The following TGFB2 variants were observed in gnomAD, a reference collection of about 807,000 sequenced individuals.
TGFB2 encodes the protein transforming growth factor beta 2.
Under a neutral mutation model 42.7 loss-of-function variants are expected in TGFB2, and 13 were observed. The observed-to-expected ratio is 0.30, with a 90% CI of 0.20 to 0.48. The LOEUF (loss-of-function observed/expected upper bound fraction) is 0.48. Ranked by LOEUF, TGFB2 falls within the 20% of genes least tolerant of loss-of-function variation. The probability of loss-of-function intolerance (pLI) is 0.99; values close to 1 mark genes in which losing one functional copy is unlikely to be tolerated. For synonymous variants in TGFB2, 193 were observed against 193.6 expected (o/e 1.00, Z 0.03); for missense variants, 390 against 517.5 (o/e 0.75, Z 2.39).
At chr1:218,363,205 G>A in intron 1 of TGFB2, 1 of 761,386 alleles carries the variant, frequency 1.3e-6, no homozygotes. Context: ...CAGGTAGCAG[G>A]GACCTTATTT....
intron 1 of TGFB2, among the ~76,000 whole-genome samples, chr1:218,366,025 G>A (rs1048655021): frequency 1.3e-5 from 2 of 152,144 alleles, no homozygotes; most frequent in African/African-American, 4.8e-5. Flanking sequence ...ATACCCTGGA[G>A]GAGAAAATAG....
At position 218,425,134 on chromosome 1, in the gene TGFB2, T is replaced by C. The variant is rs115390662; in HGVS notation, c.511-8948T>C. ...TGGTATTAAGAGGGAAAGACATTAG[T>C]CCAGGCTCTTCCTGAAGGGCTTTGT... On this transcript the variant is annotated intron_variant, in intron 2 of 6. Transcript: ENST00000366930. Among the ~76,000 whole-genome samples, 365 of 152,320 alleles carry C rather than the reference T, an allele frequency of 2.4e-3. 2 individuals are homozygous for C. Among genetic ancestry groups the C allele is most frequent in the African/African-American group, 8.5e-3 (353 of 41,568 alleles).
chr1:218,372,806 A>G (rs1657611410), intron 1 of TGFB2, among the ~76,000 whole-genome samples: 1 of 152,146 alleles, frequency 6.6e-6, no homozygotes, highest in Non-Finnish European at 1.5e-5. Flanking sequence ...CATATTACTT[A>G]TATTACTCAG....
At chr1:218,430,466 A>T (rs1165087345) in intron 2 of TGFB2, among the ~76,000 whole-genome samples, 1 of 152,156 alleles carries the variant, frequency 6.6e-6, no homozygotes, top group African/African-American at 2.4e-5. Context: ...TAACAGCTAC[A>T]TATCCACAAC....
chr1:218,405,384 A>ACT lies in TGFB2; in HGVS notation c.510+69_510+70dup, dbSNP rs142802402. 1.4e-3 allele frequency: 2,120 copies of ACT among 1,520,272 alleles called. 9 individuals carry two copies. The African/African-American group carries it at 0.021, about 15-fold the overall frequency. The allele number at this position is 1,520,272 out of a possible 1,614,324, so 94.2% of individuals were successfully genotyped here. ...TTGTTGTTGTTGTTGTTTTAGACAG[A>ACT]CTCTCTCTCTCTCTCTCTGTCACAG... On this transcript the variant is annotated intron_variant, in intron 2 of 6. Transcript: ENST00000366930.
Position 218,346,917 on chromosome 1 carries a change from C to A in TGFB2, c.216C>A (p.Asn72Lys). Residue 72 changes from asparagine to lysine, a missense_variant, in exon 1 of 7, where the codon AAC becomes AAA. Physicochemically the swap from Asn to Lys is moderately conservative, Grantham distance 94. Coordinates refer to ENST00000366930, the MANE Select transcript of TGFB2 (RefSeq NM_003238.6). The surrounding 1 kb of genome is among the most constrained non-coding windows in gnomAD (Gnocchi z 4.9). ...EVPPEVISIY[N>K]STRDLLQEKA... ...CCCCGGAGGTGATTTCCATCTACAA[C>A]AGCACCAGGGACTTGCTCCAGGAGA... 6.2e-7 allele frequency: 1 copy of A among 1,614,250 alleles called. No homozygotes were observed. The highest frequency in any genetic ancestry group is 8.5e-7 in the Non-Finnish European group (1 of 1,180,050).
intron 1 of TGFB2, among the ~76,000 whole-genome samples, chr1:218,351,312 G>A (rs946478596): frequency 2.0e-5 from 3 of 152,162 alleles, no homozygotes; most frequent in Admixed American, 2.0e-4. Flanking sequence ...GCATGTGGGT[G>A]TATGAGATAG....
At chr1:218,358,452 C>G (rs983142919) in intron 1 of TGFB2, among the ~76,000 whole-genome samples, 4 of 151,738 alleles carry the variant, frequency 2.6e-5, no homozygotes, top group Non-Finnish European at 5.9e-5. Flanking sequence ...ATTCCCCTAT[C>G]TATTGGCTTA....
intron 1 of TGFB2, among the ~76,000 whole-genome samples, chr1:218,362,488 T>C (rs1657245478): frequency 6.6e-6 from 1 of 152,230 alleles, no homozygotes; most frequent in Non-Finnish European, 1.5e-5. Context: ...TACGTCTGCC[T>C]CATCTTACAG....
intron 2 of TGFB2, among the ~76,000 whole-genome samples, chr1:218,414,255 G>T (rs201023316): frequency 6.4e-5 from 9 of 139,888 alleles, no homozygotes; most frequent in African/African-American, 2.6e-4. Flanking sequence ...ACACACACAC[G>T]CACACACGGT....
Position 218,357,807 on chromosome 1 carries a change from G to C in TGFB2, c.346+10760G>C, listed in dbSNP as rs112438118. On this transcript the variant is annotated intron_variant, in intron 1 of 6. Coordinates refer to ENST00000366930, the MANE Select transcript of TGFB2 (RefSeq NM_003238.6). The stretch of plus-strand genomic sequence containing the variant: ...GGCCTTCCAAGCTATCTATATGTCG[G>C]TAATTATGAAACAGGTTATTTCTGA... Among the ~76,000 whole-genome samples the C allele has an allele frequency of 5.7e-3, 868 of 152,264 alleles. 1 individual carries two copies. Among genetic ancestry groups the C allele is most frequent in the Middle Eastern group, 0.02 (6 of 294 alleles).
rs1235645173 is a variant in TGFB2 at position 218,443,047 on chromosome 1, G to A, written c.*1685G>A. On this transcript the variant is annotated 3_prime_UTR_variant, in exon 7 of 7. Transcript: ENST00000366930. ...TTTTCAAAAGGGGAAAAAAGTCCAGGTCAGCATAAGTCATTTTGTGTATTT... is the reference window on the plus strand; with the variant it reads ...TTTTCAAAAGGGGAAAAAAGTCCAGATCAGCATAAGTCATTTTGTGTATTT... 1.3e-5 allele frequency: 2 copies of A among 152,136 alleles called. No individual in the cohort carries two copies. Among genetic ancestry groups the A allele is most frequent in the African/African-American group, 2.4e-5 (1 of 41,438 alleles). The allele number at this position is 152,136 out of a possible 1,614,324, so 9.4% of individuals were successfully genotyped here. A position where few individuals can be genotyped will look rare whatever the true frequency, so the allele number is the denominator to read the frequency against.
rs748882381 is a variant in TGFB2, at chr1:218,379,126, C to CTTTT, written c.347-26040_347-26039insTTTT. Among the ~76,000 whole-genome samples the CTTTT allele has an allele frequency of 3.2e-4, 46 of 143,778 alleles. 1 individual carries two copies. Among genetic ancestry groups the CTTTT allele is most frequent in the South Asian group, 1.5e-3 (7 of 4,586 alleles). The allele number at this position is 143,778 out of a possible 152,430, so 94.3% of individuals were successfully genotyped here. A position where few individuals can be genotyped will look rare whatever the true frequency, so the allele number is the denominator to read the frequency against. On this transcript the variant is annotated intron_variant, in intron 1 of 6. Transcript: ENST00000366930. ...AACACATGGTACATTTTCTTTCTTT[C>CTTTT]TTTCTTTTTTTTTTTTCTTTTTTAG...
At chr1:218,418,082 G>C (rs1231096708) in intron 2 of TGFB2, among the ~76,000 whole-genome samples, 1 of 152,228 alleles carries the variant, frequency 6.6e-6, no homozygotes. Flanking sequence ...GCTGTGAAAA[G>C]AGGGCCACCA....
chr1:218,378,373 C>T (rs1033518090), intron 1 of TGFB2, among the ~76,000 whole-genome samples: 1 of 152,152 alleles, frequency 6.6e-6, no homozygotes, highest in African/African-American at 2.4e-5. Context: ...GACGGGGTTT[C>T]GCCATGTTGG....
In TGFB2 at chr1:218,413,683, C is replaced by T. The variant is rs1558252471; in HGVS notation, c.510+8351C>T. Among the ~76,000 whole-genome samples, 4 of 152,190 alleles carry T rather than the reference C, an allele frequency of 2.6e-5. No individual in the cohort carries two copies. The South Asian group carries it at 8.3e-4, about 31-fold the overall frequency. ...TTTGTTCATACGTATGATATCAGGA[C>T]ACAATCCCGTTGTAAGTCGAGGAGC... is the stretch of plus-strand genomic sequence containing the variant. On this transcript the variant is annotated intron_variant, in intron 2 of 6. Transcript: ENST00000366930.
At chr1:218,363,275 T>C in intron 1 of TGFB2, 1 of 1,385,336 alleles carries the variant, frequency 7.2e-7, no homozygotes, top group South Asian at 1.2e-5. Flanking sequence ...TTTGTATAGT[T>C]CTGTGCCAGG....
chr1:218,373,036 G>A (rs559130635), intron 1 of TGFB2, among the ~76,000 whole-genome samples: 1 of 151,748 alleles, frequency 6.6e-6, no homozygotes, highest in East Asian at 1.9e-4. Context: ...AAATTAGCTA[G>A]GAGTGGTGGC....
At chr1:218,356,392 A>T (rs551560529) in intron 1 of TGFB2, among the ~76,000 whole-genome samples, 2 of 151,562 alleles carry the variant, frequency 1.3e-5, no homozygotes, top group East Asian at 3.9e-4. Context: ...AATTTTTTCA[A>T]TTTTTTTGTA....
Sources: allele counts gnomAD v4.1 joint callset (sites outside exome capture counted in the v4.1 genomes callset), GRCh38; gene constraint gnomAD v4.1.1; non-coding constraint Gnocchi (gnomAD v3.1); transcripts MANE v1.5; gene names NCBI Gene and HGNC (gene_info 2026-07-23, HGNC 2026-07-21).